The following RBM44 variants were observed in gnomAD, a reference collection of about 807,000 sequenced individuals.
RBM44 encodes the protein RNA-binding protein 44.
Under a neutral mutation model 105.1 loss-of-function variants are expected in RBM44, and 66 were observed. That is an observed-to-expected ratio of 0.63 (90% CI 0.52 to 0.77). The LOEUF (loss-of-function observed/expected upper bound fraction) is 0.77, where lower values mean the gene tolerates loss of function less well. Among genes scored for constraint, RBM44 ranks in the 30% least tolerant of loss-of-function variants. The pLI is 0.00. For missense variants in RBM44, 1,122 were observed against 1,207.8 expected, an observed-to-expected ratio of 0.93 and a Z score of 1.05; for synonymous variants, 365 against 417.6, an observed-to-expected ratio of 0.87 and a Z score of 1.54.
rs750930926 is a variant in RBM44 at position 237,834,159 on chromosome 2, T to C, written c.3032+17T>C. On this transcript the variant is annotated intron_variant, in intron 14 of 15. Coordinates refer to ENST00000316997, the MANE Select transcript of RBM44 (RefSeq NM_001080504.3). ...AGTCAGCAGGTAATAACCAAAATTATATTTTAACTGCTTTAAAACTTCTGT... is the reference window on the plus strand; with the variant it reads ...AGTCAGCAGGTAATAACCAAAATTACATTTTAACTGCTTTAAAACTTCTGT... 5.8e-6 allele frequency: 9 copies of C among 1,546,404 alleles called. No individual in the cohort carries two copies. The East Asian group carries it at 2.1e-4, about 36-fold the overall frequency.
intron 7 of RBM44, 95 bp downstream of exon 7, chr2:237,821,463 C>A (rs2061789143): frequency 2.1e-6 from 2 of 930,500 alleles, no homozygotes; most frequent in Non-Finnish European, 3.3e-6. Context: ...CTATTTAGAA[C>A]ATTGATAAAT....
intron 9 of RBM44, among the ~76,000 whole-genome samples, 180 bp from the exon 10 acceptor site, chr2:237,824,111 A>G (rs894392478): frequency 6.6e-6 from 1 of 152,208 alleles, no homozygotes; most frequent in Non-Finnish European, 1.5e-5. Flanking sequence ...AGGACTGCTG[A>G]AAGTCTCTTC....
Position 237,829,231 on chromosome 2 carries a change from C to G in RBM44, c.2615C>G (p.Ala872Gly). 6.2e-7 allele frequency: 1 copy of G among 1,609,012 alleles called. No individual in the cohort carries two copies. Among genetic ancestry groups the G allele is most frequent in the Non-Finnish European group, 8.5e-7 (1 of 1,177,528 alleles). Residue 872 changes from alanine to glycine, a missense_variant, in exon 13 of 16, where the codon GCT becomes GGT. Transcript: ENST00000316997. ...DSTNYRYASL[A>G]FTKNSDAKIA... is the part of the protein sequence containing the mutation. ...TTATGTTTTAGATATGCATCTCTTG[C>G]TTTTACAAAAAACAGCGATGCAAAG...
rs990817448 is a variant in RBM44, at chr2:237,817,937, G to T, written c.1018G>T (p.Asp340Tyr). ...NMKSQINEGK[D>Y]FCGNKIVENK... is the part of the protein sequence containing the mutation. The stretch of plus-strand genomic sequence containing the variant: ...GAAATCTCAAATAAATGAAGGTAAA[G>T]ATTTTTGTGGAAATAAAATTGTTGA... Residue 340 changes from aspartate to tyrosine, a missense_variant, in exon 3 of 16, where the codon GAT (aspartate) becomes TAT (tyrosine). Asp to Tyr is a radical substitution (Grantham distance 160). Coordinates refer to ENST00000316997, the MANE Select transcript of RBM44 (RefSeq NM_001080504.3). 1.2e-6 allele frequency: 2 copies of T among 1,600,192 alleles called. No homozygotes were observed. The highest frequency in any genetic ancestry group is 4.5e-5 in the East Asian group (2 of 44,796).
chr2:237,829,528 A>C, intron 13 of RBM44, 26 bp downstream of exon 13: 1 of 1,585,434 alleles, frequency 6.3e-7, no homozygotes, highest in Non-Finnish European at 8.6e-7. Context: ...AGATCCCTTA[A>C]ATGGTCTTTG....
chr2:237,833,768 C>T (rs1317371556), intron 13 of RBM44, among the ~76,000 whole-genome samples: 3 of 152,064 alleles, frequency 2.0e-5, no homozygotes, highest in Non-Finnish European at 4.4e-5. Context: ...ACATAGCCTC[C>T]TATAGTTTAT....
intron 15 of RBM44, among the ~76,000 whole-genome samples, chr2:237,837,179 T>A (rs992967706): frequency 6.6e-6 from 1 of 152,236 alleles, no homozygotes; most frequent in African/African-American, 2.4e-5. Flanking sequence ...ATGCACTTAG[T>A]CACCAAGAAC....
chr2:237,828,303 G>T (rs1039326752), intron 12 of RBM44, among the ~76,000 whole-genome samples: 4 of 151,968 alleles, frequency 2.6e-5, no homozygotes, highest in African/African-American at 4.8e-5. Context: ...TGTAGTTGGG[G>T]TTGCAATTTA....
At chr2:237,807,642 T>A (rs2061612497) in intron 1 of RBM44, among the ~76,000 whole-genome samples, 1 of 152,154 alleles carries the variant, frequency 6.6e-6, no homozygotes, top group South Asian at 2.1e-4. Flanking sequence ...TTGACAGCCT[T>A]AGGGCAGTAA....
At chr2:237,814,453 A>G (rs2061691698) in intron 2 of RBM44, among the ~76,000 whole-genome samples, 1 of 152,210 alleles carries the variant, frequency 6.6e-6, no homozygotes, top group Non-Finnish European at 1.5e-5. Flanking sequence ...GAGATTGGAC[A>G]TGATAATGGT....
chr2:237,805,019 T>G (rs568043398), intron 1 of RBM44, among the ~76,000 whole-genome samples: 1 of 152,228 alleles, frequency 6.6e-6, no homozygotes, highest in East Asian at 1.9e-4. Flanking sequence ...GAGAAAGAAA[T>G]AAAAGGCATC....
At chr2:237,833,503 A>T (rs1274716077) in intron 13 of RBM44, among the ~76,000 whole-genome samples, 1 of 152,234 alleles carries the variant, frequency 6.6e-6, no homozygotes, top group Non-Finnish European at 1.5e-5. Flanking sequence ...TACAATTTGT[A>T]TTCATTACAT....
Position 237,813,649 on chromosome 2 carries a change from G to C in RBM44, c.40G>C (p.Gly14Arg). 1 of 1,611,634 alleles carries C rather than the reference G, an allele frequency of 6.2e-7. No homozygotes were observed. The highest frequency in any genetic ancestry group is 8.5e-7 in the Non-Finnish European group (1 of 1,178,010). ...TAVVETASGKGYHSNGGNLQK... is the reference protein window; with the variant it reads ...TAVVETASGKRYHSNGGNLQK... ...AGTGGTGGAGACAGCATCTGGTAAA[G>C]GCTACCACAGTAATGGAGGCAACCT... The change falls in exon 2 of 16, where the codon GGC (glycine) becomes CGC (arginine). Residue 14 changes from glycine (G) to arginine (R), a missense_variant. Gly to Arg is a moderately radical substitution (Grantham distance 125). Coordinates refer to ENST00000316997, the MANE Select transcript of RBM44 (RefSeq NM_001080504.3).
Position 237,817,259 on chromosome 2 carries a change from A to G in RBM44, c.340A>G (p.Ile114Val), listed in dbSNP as rs1488032253. The G allele has an allele frequency of 4.4e-6, 7 of 1,607,982 alleles. No individual in the cohort carries two copies. The highest frequency in any genetic ancestry group is 5.9e-6 in the Non-Finnish European group (7 of 1,177,298). The part of the protein sequence containing the change: ...DYAFLNKTYS[I>V]PYSESKLKKE... ...TGCTTTCTTGAATAAAACATATTCT[A>G]TACCTTATTCAGAGTCAAAACTAAA... is the stretch of plus-strand genomic sequence containing the variant. Residue 114 changes from isoleucine (I) to valine (V), a missense_variant, in exon 3 of 16, where the codon ATA becomes GTA. Coordinates refer to ENST00000316997, the MANE Select transcript of RBM44 (RefSeq NM_001080504.3).
chr2:237,803,199 A>G lies in RBM44; in HGVS notation c.-19+4338A>G, dbSNP rs1200708509. Among the ~76,000 whole-genome samples, 1 of 152,040 alleles carries G rather than the reference A, an allele frequency of 6.6e-6. No individual in the cohort carries two copies. Among genetic ancestry groups the G allele is most frequent in the Non-Finnish European group, 1.5e-5 (1 of 68,000 alleles). ...GGAGAATCACTTTGACCTGGGAGGT[A>G]GGGGTTGCAGTGAGCCAAGATCACA... On this transcript the variant is annotated intron_variant, in intron 1 of 15. Coordinates refer to ENST00000316997, the MANE Select transcript of RBM44 (RefSeq NM_001080504.3). The surrounding 1 kb of genome is among the most constrained non-coding windows in gnomAD (Gnocchi z 4.2).
rs574567291 is a variant in RBM44, at chr2:237,828,346, A to G, written c.2600+843A>G. Among the ~76,000 whole-genome samples, 26 of 152,238 alleles carry G rather than the reference A, an allele frequency of 1.7e-4. No individual in the cohort carries two copies. In the South Asian group the frequency reaches 5.2e-3, roughly 30 times the overall value. On this transcript the variant is annotated intron_variant, in intron 12 of 15. Transcript: ENST00000316997. ...TGTGTGTCTTAAATGAAGTCATATA[A>G]TTGTAAGATAATTGTTCAGCTGTAA...
chr2:237,817,126 C>T lies in RBM44; in HGVS notation c.207C>T (p.Ser69=), dbSNP rs1291480116. 7.5e-6 allele frequency: 12 copies of T among 1,608,594 alleles called. No individual in the cohort carries two copies. Among genetic ancestry groups the T allele is most frequent in the South Asian group, 2.2e-5 (2 of 90,438 alleles). Residue 69 remains serine, a synonymous_variant, in exon 3 of 16, where the codon AGC becomes AGT. Coordinates refer to ENST00000316997, the MANE Select transcript of RBM44 (RefSeq NM_001080504.3). ...AAAGAGCTAATAATAAAGAAATCAG[C>T]AATATTGACAAAATGGATTTATTAG... ...LEQRANNKEI[S]NIDKMDLLEP... is the part of the protein sequence containing the mutation.
intron 1 of RBM44, among the ~76,000 whole-genome samples, chr2:237,806,421 T>C (rs1008599084): frequency 6.6e-6 from 1 of 152,220 alleles, no homozygotes; most frequent in Non-Finnish European, 1.5e-5. Context: ...TCCTGCTTTT[T>C]CTAGTTTCTT....
At chr2:237,814,141 A>C (rs896029692) in intron 2 of RBM44, among the ~76,000 whole-genome samples, 1 of 152,194 alleles carries the variant, frequency 6.6e-6, no homozygotes, top group Non-Finnish European at 1.5e-5. Context: ...TGTAGCTTAA[A>C]CTATTAAGAT....
Sources: gnomAD v4.1 joint callset for allele counts (sites outside exome capture counted in the v4.1 genomes callset) on GRCh38, gnomAD v4.1.1 for gene constraint, Gnocchi (gnomAD v3.1) non-coding constraint, MANE v1.5 for transcripts, NCBI Gene and HGNC (gene_info 2026-07-23, HGNC 2026-07-21) for gene names.